The following VWA8 variants were observed in gnomAD, a reference collection of about 807,000 sequenced individuals.
VWA8 encodes the protein von Willebrand factor A domain containing 8.
A neutral mutation model predicts 241.5 loss-of-function variants in VWA8; 221 were observed. The ratio of observed to expected loss-of-function variants is 0.91; its 90% confidence interval spans 0.82 to 1.02. The LOEUF (loss-of-function observed/expected upper bound fraction) is 1.02. Ranked by LOEUF, VWA8 falls within the 50% of genes least tolerant of loss-of-function variation. The probability of loss-of-function intolerance (pLI) is 0.00; values close to 1 mark genes in which losing one functional copy is unlikely to be tolerated. For missense variants in VWA8, 2,322 were observed against 2,328.7 expected (o/e 1.00, Z 0.06); for synonymous variants, 852 against 827.1 (o/e 1.03, Z -0.52).
intron 16 of VWA8, among the ~76,000 whole-genome samples, chr13:41,813,874 T>C (rs552986450): frequency 6.6e-6 from 1 of 152,218 alleles, no homozygotes; most frequent in East Asian, 1.9e-4. Flanking sequence ...ACTGCAGTTT[T>C]ATCTTGCAAA....
intron 2 of VWA8, among the ~76,000 whole-genome samples, chr13:41,915,920 T>C (rs1876232167): frequency 6.6e-6 from 1 of 152,198 alleles, no homozygotes; most frequent in African/African-American, 2.4e-5. Context: ...TCCTATCAGG[T>C]ACCAGGTAAA....
intron 44 of VWA8, 41 bp downstream of exon 44, chr13:41,570,425 ATC>A: frequency 6.5e-7 from 1 of 1,548,152 alleles, no homozygotes; most frequent in Non-Finnish European, 8.9e-7. Context: ...GCTACTCAGT[ATC>A]TCTGTACCTG....
At chr13:41,891,008 T>C (rs117507407) in intron 5 of VWA8, among the ~76,000 whole-genome samples, 3,415 of 152,166 alleles carry the variant, frequency 0.022, 110 homozygotes, top group Admixed American at 0.098. Context: ...ACCTTTAGCT[T>C]CCTGAAGCTA....
At chr13:41,699,686 C>T (rs771759019) in intron 28 of VWA8, among the ~76,000 whole-genome samples, 24 of 152,172 alleles carry the variant, frequency 1.6e-4, no homozygotes, top group Non-Finnish European at 2.8e-4. Flanking sequence ...TTGCATTTTC[C>T]AGATAGTTAC....
chr13:41,733,363 G>A (rs1234949951), intron 21 of VWA8, among the ~76,000 whole-genome samples: 2 of 152,166 alleles, frequency 1.3e-5, no homozygotes, highest in African/African-American at 2.4e-5. Flanking sequence ...AGACCTTGGA[G>A]TCATATCAAT....
intron 20 of VWA8, among the ~76,000 whole-genome samples, chr13:41,775,572 C>T (rs904656108): frequency 3.3e-5 from 5 of 152,172 alleles, no homozygotes; most frequent in Admixed American, 2.6e-4. Flanking sequence ...CCTAGACAGG[C>T]TTGAAAATCA....
At chr13:41,588,874 T>C (rs902707849) in intron 41 of VWA8, among the ~76,000 whole-genome samples, 1 of 152,228 alleles carries the variant, frequency 6.6e-6, no homozygotes, top group African/African-American at 2.4e-5. Flanking sequence ...AAATTCAACA[T>C]ATTTCTTAAA....
At chr13:41,814,036 C>T (rs151066912) in intron 16 of VWA8, among the ~76,000 whole-genome samples, 28 of 152,176 alleles carry the variant, frequency 1.8e-4, no homozygotes, top group South Asian at 4.1e-4. Context: ...AATTATTAAA[C>T]ATTATTTTTC....
In VWA8 at chr13:41,770,758, TTTTTA is replaced by T. The variant is rs558310990; in HGVS notation, c.2349+7222_2349+7226del. 3.8e-3 allele frequency among the ~76,000 whole-genome samples: 575 copies of T among 152,082 alleles called. 8 individuals carry two copies. Among genetic ancestry groups the T allele is most frequent in the African/African-American group, 0.013 (543 of 41,526 alleles). Reference sequence around the variant, plus strand: ...TGTATGAAAATCAGCCAGAATTGGCTTTTTATTTTATAAGAAATATATAATATATT... The same window carrying T: ...TGTATGAAAATCAGCCAGAATTGGCTTTTTATAAGAAATATATAATATATT... On this transcript the variant is annotated intron_variant, in intron 20 of 44. Coordinates refer to ENST00000379310, the MANE Select transcript of VWA8 (RefSeq NM_015058.2).
At chr13:41,598,369 A>G (rs1030945053) in intron 40 of VWA8, among the ~76,000 whole-genome samples, 12 of 152,198 alleles carry the variant, frequency 7.9e-5, no homozygotes, top group African/African-American at 2.6e-4. Flanking sequence ...TATTAAATTC[A>G]TAATTTTTAA....
Position 41,942,263 on chromosome 13 carries a change from C to T in VWA8, c.241+7673G>A, listed in dbSNP as rs111756903. Among the ~76,000 whole-genome samples the T allele has an allele frequency of 6.3e-3, 964 of 152,240 alleles. 9 individuals carry two copies. Among genetic ancestry groups the T allele is most frequent in the African/African-American group, 0.022 (921 of 41,526 alleles). Reference sequence around the variant, plus strand: ...ATTAAAAATAAATATTCCCAACTCCCACTTCCAGTTAGGATGAAATGAGTT... The same window carrying T: ...ATTAAAAATAAATATTCCCAACTCCTACTTCCAGTTAGGATGAAATGAGTT... On this transcript the variant is annotated intron_variant, in intron 2 of 44. Coordinates refer to ENST00000379310, the MANE Select transcript of VWA8 (RefSeq NM_015058.2).
At chr13:41,601,416 C>T (rs151052346) in intron 40 of VWA8, among the ~76,000 whole-genome samples, 156 of 152,038 alleles carry the variant, frequency 1.0e-3, no homozygotes, top group African/African-American at 3.6e-3. Flanking sequence ...TGAAACACCA[C>T]AGGGGAAAAA....
At chr13:41,739,848 G>GTTTTTTTTTTTTTTTTTTTTTTTTTTTTT (rs1179107917) in intron 21 of VWA8, among the ~76,000 whole-genome samples, 3 of 50,914 alleles carry the variant, frequency 5.9e-5, no homozygotes, top group Non-Finnish European at 1.3e-4. Context: ...TGTTTTTTTT[G>GTTTTTTTTTTTTTTTTTTTTTTTTTTTTT]TTTTTTTTGT....
intron 9 of VWA8, among the ~76,000 whole-genome samples, chr13:41,881,895 T>A (rs1233822472): frequency 2.4e-5 from 3 of 127,278 alleles, no homozygotes; most frequent in Admixed American, 7.7e-5. Flanking sequence ...GCGGCTGGCC[T>A]GGCGGGGGCT....
intron 12 of VWA8, among the ~76,000 whole-genome samples, chr13:41,863,132 A>T (rs954048226): frequency 6.6e-6 from 1 of 151,906 alleles, no homozygotes; most frequent in Non-Finnish European, 1.5e-5. Context: ...GCATCATCTA[A>T]TCAGCTGCCA....
intron 40 of VWA8, among the ~76,000 whole-genome samples, 167 bp from the exon 41 acceptor site, chr13:41,590,932 A>T (rs1020450789): frequency 6.6e-6 from 1 of 152,230 alleles, no homozygotes; most frequent in Admixed American, 6.5e-5. Context: ...GCTGACAAAT[A>T]AATGCCCTTT....
chr13:41,613,740 A>G (rs973621183), intron 38 of VWA8, among the ~76,000 whole-genome samples: 1 of 152,126 alleles, frequency 6.6e-6, no homozygotes, highest in African/African-American at 2.4e-5. Context: ...ATTCCAAACC[A>G]CTTCAGAAGA....
At chr13:41,592,818 T>C (rs2044465161) in intron 40 of VWA8, among the ~76,000 whole-genome samples, 1 of 152,136 alleles carries the variant, frequency 6.6e-6, no homozygotes, top group Admixed American at 6.6e-5. Context: ...TGAAGCAAAT[T>C]ACTTAACCTG....
Position 41,810,368 on chromosome 13 carries a change from G to T in VWA8, c.2063+857C>A, listed in dbSNP as rs77321750. Reference sequence around the variant, plus strand: ...TATTCACAATAGCTAAGATTCGGAGGCAACCTAAGTGTTCATCAACAGACA... The same window carrying T: ...TATTCACAATAGCTAAGATTCGGAGTCAACCTAAGTGTTCATCAACAGACA... On this transcript the variant is annotated intron_variant, in intron 17 of 44. Transcript: ENST00000379310. Among the ~76,000 whole-genome samples the T allele has an allele frequency of 3.4e-3, 520 of 152,118 alleles. 2 individuals are homozygous for T. The highest frequency in any genetic ancestry group is 4.1e-3 in the Non-Finnish European group (281 of 67,938).
Sources: allele counts gnomAD v4.1 joint callset (sites outside exome capture counted in the v4.1 genomes callset), GRCh38; gene constraint gnomAD v4.1.1; transcripts MANE v1.5; gene names NCBI Gene and HGNC (gene_info 2026-07-23, HGNC 2026-07-21).